Variants in MRPL22 observed in about 807,000 individuals in gnomAD.
MRPL22 encodes the protein mitochondrial ribosomal protein L22.
MRPL22 carries 27 observed loss-of-function variants against 32.4 expected under a neutral mutation model. The observed-to-expected ratio is 0.83, with a 90% CI of 0.61 to 1.15. The LOEUF (loss-of-function observed/expected upper bound fraction) is 1.15, where lower values mean the gene tolerates loss of function less well. Among genes scored for constraint, MRPL22 ranks in the 50% most tolerant of loss-of-function variants. MRPL22 has a pLI of 0.00. For missense variants in MRPL22, 239 were observed against 260.2 expected (o/e 0.92, Z 0.56); for synonymous variants, 86 against 87.3 (o/e 0.99, Z 0.08).
At chr5:154,946,700 A>G (rs1317861952) in intron 2 of MRPL22, among the ~76,000 whole-genome samples, 1 of 152,194 alleles carries the variant, frequency 6.6e-6, no homozygotes, top group African/African-American at 2.4e-5. Context: ...GCGTCCCTGT[A>G]ATCCCAGCTA....
In MRPL22 at chr5:154,968,698, T is replaced by C. The variant is rs1265856579; in HGVS notation, c.*1801T>C. On this transcript the variant is annotated 3_prime_UTR_variant, in exon 7 of 7. Transcript: ENST00000523037. ...GGTGGGGATGCTCCACGATTGCTCTTGGAGTTGTGACTTCCTTGGGTGTGA... is the reference window on the plus strand; with the variant it reads ...GGTGGGGATGCTCCACGATTGCTCTCGGAGTTGTGACTTCCTTGGGTGTGA... 1 of 152,210 alleles carries C rather than the reference T, an allele frequency of 6.6e-6. No individual in the cohort carries two copies. The highest frequency in any genetic ancestry group is 1.5e-5 in the Non-Finnish European group (1 of 68,040). 9.4% of individuals were successfully genotyped at this position (152,210 alleles called of 1,614,324 possible). A position where few individuals can be genotyped will look rare whatever the true frequency, so the allele number is the denominator to read the frequency against.
At chr5:154,964,855 G>C (rs1160857757) in intron 6 of MRPL22, among the ~76,000 whole-genome samples, 1 of 152,106 alleles carries the variant, frequency 6.6e-6, no homozygotes, top group East Asian at 1.9e-4. Context: ...AAATGATTTT[G>C]GATAGAAGCA....
intron 6 of MRPL22, among the ~76,000 whole-genome samples, chr5:154,960,594 G>A (rs916814548): frequency 5.3e-5 from 8 of 152,170 alleles, no homozygotes; most frequent in Admixed American, 5.2e-4. Context: ...ACATCCTGAA[G>A]CATTAGCTCT....
At chr5:154,941,177 G>T in intron 1 of MRPL22, 39 bp downstream of exon 1, 1 of 1,614,158 alleles carries the variant, frequency 6.2e-7, no homozygotes. Flanking sequence ...GAAGGGAGTC[G>T]AGATGGAATC....
At chr5:154,964,086 A>C (rs1369301424) in intron 6 of MRPL22, among the ~76,000 whole-genome samples, 1 of 152,246 alleles carries the variant, frequency 6.6e-6, no homozygotes, top group African/African-American at 2.4e-5. Flanking sequence ...TATTTGGTTC[A>C]AACTATATCA....
chr5:154,961,662 A>G (rs1297480519), intron 6 of MRPL22, among the ~76,000 whole-genome samples: 2 of 152,098 alleles, frequency 1.3e-5, no homozygotes, highest in South Asian at 2.1e-4. Context: ...TGCTTAACCA[A>G]TCCTACATAA....
chr5:154,964,501 G>A (rs1764742036), intron 6 of MRPL22, among the ~76,000 whole-genome samples: 1 of 152,192 alleles, frequency 6.6e-6, no homozygotes, highest in Non-Finnish European at 1.5e-5. Context: ...TATGTTCTAA[G>A]TCCTGATTTC....
At chr5:154,966,100 C>G (rs1267106271) in intron 6 of MRPL22, among the ~76,000 whole-genome samples, 3 of 152,194 alleles carry the variant, frequency 2.0e-5, no homozygotes, top group Non-Finnish European at 4.4e-5. Flanking sequence ...CTTGCCCTAG[C>G]TTTATCTCTA....
intron 2 of MRPL22, among the ~76,000 whole-genome samples, chr5:154,942,146 A>G (rs1012456567): frequency 3.9e-5 from 6 of 152,274 alleles, no homozygotes; most frequent in South Asian, 2.1e-4. Flanking sequence ...AAGTGTTGCT[A>G]TGTTGCCCAT....
chr5:154,955,853 A>G (rs1449190799), intron 3 of MRPL22: 2 of 153,084 alleles, frequency 1.3e-5, no homozygotes, highest in African/African-American at 4.8e-5. Context: ...GAGGTTAAGT[A>G]GCTTGCTCAA....
intron 3 of MRPL22, among the ~76,000 whole-genome samples, chr5:154,952,100 C>G (rs1313146479): frequency 1.3e-5 from 2 of 152,068 alleles, no homozygotes; most frequent in Non-Finnish European, 2.9e-5. Context: ...CCAGGATGGT[C>G]TCGATCTCCT....
chr5:154,954,916 C>T (rs529780904), intron 3 of MRPL22, among the ~76,000 whole-genome samples: 56 of 152,198 alleles, frequency 3.7e-4, no homozygotes, highest in South Asian at 2.1e-3. Flanking sequence ...CTCAGCCTCC[C>T]GGGTAGCTGG....
chr5:154,963,867 G>A (rs1225315460), intron 6 of MRPL22, among the ~76,000 whole-genome samples: 1 of 152,196 alleles, frequency 6.6e-6, no homozygotes, highest in Non-Finnish European at 1.5e-5. Flanking sequence ...TAGGCTTTTG[G>A]GAGTCTGGAG....
At position 154,941,279 on chromosome 5, in the gene MRPL22, T is replaced by C. The variant is rs1486950672; in HGVS notation, c.77+14T>C. The C allele has an allele frequency of 1.9e-6, 3 of 1,612,490 alleles. No individual in the cohort carries two copies. The highest frequency in any genetic ancestry group is 2.5e-6 in the Non-Finnish European group (3 of 1,179,994). ...GCTGGCCTTGGGGTGAGTCTCTCGC[T>C]TCGGAGTTTCGGAAGGGCCCAAGGC... On this transcript the variant is annotated intron_variant, in intron 2 of 6. Transcript: ENST00000523037.
rs187943885 is a variant in MRPL22 at position 154,963,209 on chromosome 5, G to T, written c.409+3160G>T. Among the ~76,000 whole-genome samples the T allele has an allele frequency of 7.4e-4, 113 of 152,316 alleles. 1 individual carries two copies. The highest frequency in any genetic ancestry group is 2.5e-3 in the African/African-American group (102 of 41,556). ...CTGCCTCGGCCTCCCAAGATTTTGG[G>T]ATTACAGGCGTGAGCCACTGTGCCT... On this transcript the variant is annotated intron_variant, in intron 6 of 6. Coordinates refer to ENST00000523037, the MANE Select transcript of MRPL22 (RefSeq NM_014180.4).
intron 2 of MRPL22, 70 bp downstream of exon 2, chr5:154,941,335 G>A (rs1363160728): frequency 1.3e-6 from 2 of 1,589,882 alleles, no homozygotes; most frequent in Non-Finnish European, 1.7e-6. Context: ...TGGTAACTGA[G>A]CGCCTCCGTG....
chr5:154,946,980 C>T (rs1764500414), intron 2 of MRPL22, among the ~76,000 whole-genome samples: 1 of 152,132 alleles, frequency 6.6e-6, no homozygotes, highest in Non-Finnish European at 1.5e-5. Context: ...TTAAAAATAA[C>T]ACTAGCCATC....
In MRPL22 at chr5:154,950,878, G is replaced by C; in HGVS notation, c.135G>C (p.Trp45Cys). The C allele has an allele frequency of 6.2e-7, 1 of 1,613,800 alleles. No individual in the cohort carries two copies. Among genetic ancestry groups the C allele is most frequent in the Non-Finnish European group, 8.5e-7 (1 of 1,179,784 alleles). The part of the protein sequence containing the change: ...TSASLDISRK[W>C]EKKNKIVYPP... ...CTTCTCTTGACATTTCTCGAAAATG[G>C]GAGAAGAAGAATAAAATTGTTTATC... The change falls in exon 3 of 7, where the codon TGG becomes TGC. Residue 45 changes from tryptophan to cysteine, a missense_variant. Coordinates refer to ENST00000523037, the MANE Select transcript of MRPL22 (RefSeq NM_014180.4).
At chr5:154,956,305 G>A in intron 3 of MRPL22, 66 bp from the exon 4 acceptor site, 3 of 1,124,242 alleles carry the variant, frequency 2.7e-6, no homozygotes, top group Non-Finnish European at 4.0e-6. Context: ...AACAGTATAT[G>A]TTATTGTCAT....
Sources: gnomAD v4.1 joint callset for allele counts (sites outside exome capture counted in the v4.1 genomes callset) on GRCh38, gnomAD v4.1.1 for gene constraint, MANE v1.5 for transcripts, NCBI Gene and HGNC (gene_info 2026-07-23, HGNC 2026-07-21) for gene names.